Variants in CMSS1 observed in about 807,000 individuals in gnomAD.
CMSS1 encodes the protein protein CMSS1.
A neutral mutation model predicts 43.5 loss-of-function variants in CMSS1; 33 were observed. The observed-to-expected ratio is 0.76, with a 90% CI of 0.57 to 1.01. CMSS1 has a LOEUF of 1.01. CMSS1 is among the 50% of genes least tolerant of loss of function. CMSS1 has a pLI of 0.00. For synonymous variants in CMSS1, 115 were observed against 117.2 expected (o/e 0.98, Z 0.12); for missense variants, 313 against 326.4 (o/e 0.96, Z 0.32).
At chr3:99,930,194 CCTT>C (rs1186996833) in intron 1 of CMSS1, among the ~76,000 whole-genome samples, 1 of 152,150 alleles carries the variant, frequency 6.6e-6, no homozygotes, top group Admixed American at 6.5e-5. Context: ...ATCCCTTCAT[CCTT>C]CTTGTAGTCT....
At chr3:99,916,341 G>C (rs1706949163) in intron 1 of CMSS1, among the ~76,000 whole-genome samples, 1 of 152,038 alleles carries the variant, frequency 6.6e-6, no homozygotes, top group South Asian at 2.1e-4. Context: ...TCGGCTACAT[G>C]ACTGGCTTTC....
chr3:100,171,434 G>A lies in CMSS1; in HGVS notation c.519-405G>A, dbSNP rs576637250. On this transcript the variant is annotated intron_variant, in intron 6 of 9. Coordinates refer to ENST00000421999, the MANE Select transcript of CMSS1 (RefSeq NM_032359.4). The stretch of plus-strand genomic sequence containing the variant: ...AGATGCCCTTGGCTCCACAGAGAAC[G>A]AGCTGACATCACCGCTCCAAGATAT... Among the ~76,000 whole-genome samples, 83 of 151,956 alleles carry A rather than the reference G, an allele frequency of 5.5e-4. 1 individual carries two copies. The highest frequency in any genetic ancestry group is 6.8e-3 in the Middle Eastern group (2 of 292).
chr3:100,119,443 T>C (rs1254589237), intron 1 of CMSS1, among the ~76,000 whole-genome samples: 1 of 152,222 alleles, frequency 6.6e-6, no homozygotes, highest in Admixed American at 6.5e-5. Context: ...AACCATACTT[T>C]ACCCTCAATC....
intron 1 of CMSS1, among the ~76,000 whole-genome samples, chr3:100,083,680 A>T (rs913776653): frequency 5.3e-5 from 8 of 152,228 alleles, no homozygotes; most frequent in African/African-American, 1.9e-4. Flanking sequence ...TAGAATAATC[A>T]GTCTTAACTA....
chr3:99,940,814 G>C (rs1235284174), intron 1 of CMSS1, among the ~76,000 whole-genome samples: 1 of 152,234 alleles, frequency 6.6e-6, no homozygotes, highest in African/African-American at 2.4e-5. Context: ...TAAGGACCTT[G>C]AGGTAAACAG....
chr3:100,044,078 ACT>A (rs1250512799), intron 1 of CMSS1, among the ~76,000 whole-genome samples: 5 of 152,144 alleles, frequency 3.3e-5, no homozygotes, highest in East Asian at 1.9e-4. Flanking sequence ...TCTATGACAA[ACT>A]CTGTCCTGCT....
intron 1 of CMSS1, among the ~76,000 whole-genome samples, chr3:99,965,342 T>C (rs1349023787): frequency 6.6e-6 from 1 of 152,224 alleles, no homozygotes; most frequent in African/African-American, 2.4e-5. Flanking sequence ...TTCTTACTGG[T>C]GCAGGCTGTC....
rs370961170 is a variant in CMSS1, at chr3:99,817,911, A to C, written c.-69A>C. 418 of 1,543,752 alleles carry C rather than the reference A, an allele frequency of 2.7e-4. No individual in the cohort carries two copies. In the African/African-American group the frequency reaches 4.9e-3, roughly 18 times the overall value. ...TAGCTACGCCGGCCGCCTGGCTTTGAGACAACGTGATTCTCCGCAGCTGGT... is the reference window on the plus strand; with the variant it reads ...TAGCTACGCCGGCCGCCTGGCTTTGCGACAACGTGATTCTCCGCAGCTGGT... On this transcript the variant is annotated 5_prime_UTR_variant, in exon 1 of 10. Coordinates refer to ENST00000421999, the MANE Select transcript of CMSS1 (RefSeq NM_032359.4).
chr3:100,021,670 G>A (rs1403846153), intron 1 of CMSS1, among the ~76,000 whole-genome samples: 1 of 152,084 alleles, frequency 6.6e-6, no homozygotes, highest in Non-Finnish European at 1.5e-5. Flanking sequence ...AAGTGTCTTG[G>A]TTGCTTATAT....
intron 1 of CMSS1, among the ~76,000 whole-genome samples, chr3:99,944,403 GA>G (rs1707945172): frequency 6.6e-6 from 1 of 152,136 alleles, no homozygotes; most frequent in Admixed American, 6.5e-5. Flanking sequence ...TTCAGAGGGG[GA>G]TACTCACCCA....
rs189208883 is a variant in CMSS1, at chr3:100,173,069, C to G, written c.667+666C>G. ...TTTTTTTTTAAATAACTGTCTGGAG[C>G]TATTCTCAGATTATTTTATATATCT... On this transcript the variant is annotated intron_variant, in intron 8 of 9. Coordinates refer to ENST00000421999, the MANE Select transcript of CMSS1 (RefSeq NM_032359.4). Among the ~76,000 whole-genome samples, 808 of 152,180 alleles carry G rather than the reference C, an allele frequency of 5.3e-3. 10 individuals carry two copies. Among genetic ancestry groups the G allele is most frequent in the African/African-American group, 0.018 (764 of 41,514 alleles).
At chr3:99,958,575 G>A (rs1022576332) in intron 1 of CMSS1, among the ~76,000 whole-genome samples, 1 of 152,170 alleles carries the variant, frequency 6.6e-6, no homozygotes, top group Non-Finnish European at 1.5e-5. Flanking sequence ...ATGGTCACAT[G>A]GGTCTACGGT....
At chr3:100,038,321 T>A (rs1690858524) in intron 1 of CMSS1, among the ~76,000 whole-genome samples, 1 of 152,102 alleles carries the variant, frequency 6.6e-6, no homozygotes, top group African/African-American at 2.4e-5. Context: ...AAGTAATGAG[T>A]CTATTATTTT....
intron 1 of CMSS1, among the ~76,000 whole-genome samples, chr3:100,037,468 G>A (rs34626154): frequency 0.18 from 27,454 of 151,602 alleles, 2,833 homozygotes; most frequent in South Asian, 0.25. Flanking sequence ...ACACACACAC[G>A]CACATTGTTA....
At chr3:99,969,562 A>G (rs540234871) in intron 1 of CMSS1, among the ~76,000 whole-genome samples, 2 of 152,346 alleles carry the variant, frequency 1.3e-5, no homozygotes, top group East Asian at 1.9e-4. Context: ...GAGCCGTGCT[A>G]TCCCAACTGG....
intron 1 of CMSS1, among the ~76,000 whole-genome samples, chr3:99,976,254 C>A (rs1708968080): frequency 6.6e-6 from 1 of 152,148 alleles, no homozygotes; most frequent in Admixed American, 6.6e-5. Context: ...TATTAGTCTA[C>A]TTGAGGAGAG....
intron 1 of CMSS1, among the ~76,000 whole-genome samples, chr3:99,914,487 A>G (rs754126614): frequency 3.3e-5 from 5 of 152,106 alleles, no homozygotes; most frequent in Non-Finnish European, 7.4e-5. Context: ...TCAGTGGGAA[A>G]GTCTGATTCA....
intron 5 of CMSS1, among the ~76,000 whole-genome samples, chr3:100,166,749 C>T (rs1362046138): frequency 6.6e-6 from 1 of 152,070 alleles, no homozygotes; most frequent in Non-Finnish European, 1.5e-5. Flanking sequence ...TTTTGGGAGG[C>T]TGGAGAGGGA....
At chr3:100,027,693 C>T (rs1327760094) in intron 1 of CMSS1, among the ~76,000 whole-genome samples, 1 of 152,160 alleles carries the variant, frequency 6.6e-6, no homozygotes, top group Non-Finnish European at 1.5e-5. Context: ...ATTTCAGCCT[C>T]CTGAGTGAAC....
Sources: gnomAD v4.1 joint callset for allele counts (sites outside exome capture counted in the v4.1 genomes callset) on GRCh38, gnomAD v4.1.1 for gene constraint, MANE v1.5 for transcripts, NCBI Gene and HGNC (gene_info 2026-07-23, HGNC 2026-07-21) for gene names.